PRKAG2: variants seen among roughly 807,000 people sequenced by gnomAD.
PRKAG2 encodes the protein 5'-AMP-activated protein kinase subunit gamma-2.
In PRKAG2, 26 loss-of-function variants were observed where a neutral mutation model predicts 69.6. That is an observed-to-expected ratio of 0.37 (90% CI 0.27 to 0.52). The LOEUF (loss-of-function observed/expected upper bound fraction) is 0.52, where lower values mean the gene tolerates loss of function less well. Ranked by LOEUF, PRKAG2 falls within the 20% of genes least tolerant of loss-of-function variation. PRKAG2 has a pLI of 0.90. For synonymous variants in PRKAG2, 293 were observed against 285.0 expected, an observed-to-expected ratio of 1.03 and a Z score of -0.28; for missense variants, 557 against 740.0, an observed-to-expected ratio of 0.75 and a Z score of 2.87.
chr7:151,846,463 A>C (rs2079435258), intron 1 of PRKAG2, among the ~76,000 whole-genome samples: 2 of 152,150 alleles, frequency 1.3e-5, no homozygotes, highest in African/African-American at 4.8e-5. Context: ...ACTCCGTCTC[A>C]AAAAAATTTA....
intron 1 of PRKAG2, among the ~76,000 whole-genome samples, chr7:151,802,064 G>A (rs569930108): frequency 3.5e-4 from 54 of 152,298 alleles, no homozygotes; most frequent in Middle Eastern, 3.4e-3. Context: ...ACCCCTCCCT[G>A]AGTGTGGCCT....
At chr7:151,645,498 A>G (rs1271234147) in intron 4 of PRKAG2, among the ~76,000 whole-genome samples, 1 of 152,226 alleles carries the variant, frequency 6.6e-6, no homozygotes, top group Admixed American at 6.5e-5. Flanking sequence ...CTTCTGACCT[A>G]CAGAAGCTAT....
In PRKAG2 at chr7:151,562,244, C is replaced by CAAAAAAAAAAAAAAAAAAA. The variant is rs575674668; in HGVS notation, c.1585-1646_1585-1628dup. On this transcript the variant is annotated intron_variant, in intron 14 of 15. Transcript: ENST00000287878. ...TGGGCGACAGAGTGAGACTTTGTCT[C>CAAAAAAAAAAAAAAAAAAA]AAAAAAAAAAAAAAAAAAAAAAAAA... 2.1e-4 allele frequency among the ~76,000 whole-genome samples: 8 copies of CAAAAAAAAAAAAAAAAAAA among 38,476 alleles called. 2 individuals are homozygous for CAAAAAAAAAAAAAAAAAAA. The highest frequency in any genetic ancestry group is 3.1e-4 in the Non-Finnish European group (5 of 16,206). The allele number at this position is 38,476 out of a possible 152,430, so 25.2% of individuals were successfully genotyped here. A position where few individuals can be genotyped will look rare whatever the true frequency, so the allele number is the denominator to read the frequency against.
rs1563307591 is a variant in PRKAG2 at position 151,632,452 on chromosome 7, G to C, written c.685-314C>G. The C allele has an allele frequency of 3.1e-6, 2 of 639,610 alleles. No individual in the cohort carries two copies. Among genetic ancestry groups the C allele is most frequent in the East Asian group, 1.4e-4 (1 of 7,296 alleles). 39.6% of individuals were successfully genotyped at this position (639,610 alleles called of 1,614,324 possible). On this transcript the variant is annotated intron_variant, in intron 4 of 15. Transcript: ENST00000287878. The surrounding 1 kb of genome is among the most constrained non-coding windows in gnomAD (Gnocchi z 4.2). ...CGTGGGAAGGGACCCGGGAGCTCGA[G>C]GGCGGCAGCGCCTGGGCCCGGGGCG...
chr7:151,748,263 G>A (rs2074423864), intron 3 of PRKAG2, among the ~76,000 whole-genome samples: 1 of 152,060 alleles, frequency 6.6e-6, no homozygotes, highest in African/African-American at 2.4e-5. Flanking sequence ...TATACTTACA[G>A]TATAAGTAAA....
chr7:151,665,424 C>G (rs528719762), intron 4 of PRKAG2, among the ~76,000 whole-genome samples: 9 of 152,310 alleles, frequency 5.9e-5, no homozygotes, highest in Non-Finnish European at 1.2e-4. Context: ...TCGTGTGTGT[C>G]TCTCTCTCTG....
At chr7:151,787,721 C>A (rs185705546) in intron 1 of PRKAG2, among the ~76,000 whole-genome samples, 57 of 152,256 alleles carry the variant, frequency 3.7e-4, no homozygotes, top group African/African-American at 1.3e-3. Flanking sequence ...TGAAGTCCTG[C>A]CCCCCAGGAC....
At chr7:151,672,548 C>T (rs979036812) in intron 4 of PRKAG2, among the ~76,000 whole-genome samples, 2 of 152,030 alleles carry the variant, frequency 1.3e-5, no homozygotes, top group Non-Finnish European at 2.9e-5. Context: ...TTCCCCTCCC[C>T]CCAGCCCCCG....
intron 1 of PRKAG2, among the ~76,000 whole-genome samples, chr7:151,873,955 G>GATGTAT (rs906797652): frequency 3.5e-4 from 52 of 149,348 alleles, no homozygotes; most frequent in African/African-American, 1.1e-3. Context: ...CTAGGTGTCT[G>GATGTAT]ATGTATATGT....
intron 1 of PRKAG2, among the ~76,000 whole-genome samples, chr7:151,801,218 G>A (rs768346114): frequency 2.8e-4 from 42 of 152,226 alleles, no homozygotes; most frequent in Admixed American, 1.2e-3. Flanking sequence ...CTAGAACACA[G>A]AGAAAGGTGC....
At chr7:151,824,864 T>C (rs954567432) in intron 1 of PRKAG2, among the ~76,000 whole-genome samples, 1 of 152,170 alleles carries the variant, frequency 6.6e-6, no homozygotes, top group African/African-American at 2.4e-5. Flanking sequence ...TCCCTCTCTT[T>C]CTTCTGAGTC....
At chr7:151,784,071 G>T (rs1390585125) in intron 2 of PRKAG2, among the ~76,000 whole-genome samples, 2 of 152,156 alleles carry the variant, frequency 1.3e-5, no homozygotes, top group Admixed American at 1.3e-4. Flanking sequence ...GCTGGTCCTG[G>T]GTGGAGGCCC....
chr7:151,854,986 C>CCACACACACCACCCTA (rs2079674978), intron 1 of PRKAG2, among the ~76,000 whole-genome samples: 2 of 28,696 alleles, frequency 7.0e-5, no homozygotes, highest in African/African-American at 1.4e-4. Flanking sequence ...ACACCATGCT[C>CCACACACACCACCCTA]CACACACACC....
chr7:151,782,668 C>T (rs189268120), intron 2 of PRKAG2, among the ~76,000 whole-genome samples: 1 of 152,338 alleles, frequency 6.6e-6, no homozygotes, highest in East Asian at 1.9e-4. Context: ...GCTCTGCCAC[C>T]TGCTGAGCCA....
chr7:151,774,011 G>A (rs1220196730), intron 3 of PRKAG2, among the ~76,000 whole-genome samples: 3 of 152,200 alleles, frequency 2.0e-5, no homozygotes, highest in Non-Finnish European at 4.4e-5. Context: ...GAGGTGGCAC[G>A]CCAGATTTTG....
chr7:151,866,537 T>C (rs2080082829), intron 1 of PRKAG2, among the ~76,000 whole-genome samples: 2 of 152,170 alleles, frequency 1.3e-5, no homozygotes, highest in African/African-American at 4.8e-5. Context: ...CCCCAGATGG[T>C]ATCTGATACA....
At chr7:151,870,157 G>GA (rs1563769271) in intron 1 of PRKAG2, among the ~76,000 whole-genome samples, 18,033 of 110,718 alleles carry the variant, frequency 0.16, 1,373 homozygotes, top group Admixed American at 0.18. Flanking sequence ...AGATAGATAG[G>GA]CAGGCAGGCA....
At chr7:151,867,116 G>A (rs1025906380) in intron 1 of PRKAG2, among the ~76,000 whole-genome samples, 6 of 152,186 alleles carry the variant, frequency 3.9e-5, no homozygotes, top group Admixed American at 6.5e-5. Context: ...GCAGTGGGAC[G>A]CTGGGACCCC....
At chr7:151,750,972 T>C (rs866404539) in intron 3 of PRKAG2, among the ~76,000 whole-genome samples, 1 of 152,224 alleles carries the variant, frequency 6.6e-6, no homozygotes, top group Non-Finnish European at 1.5e-5. Context: ...AAGGAAAATA[T>C]GGATTAATTC....
Sources: gnomAD v4.1 joint callset for allele counts (sites outside exome capture counted in the v4.1 genomes callset) on GRCh38, gnomAD v4.1.1 for gene constraint, Gnocchi (gnomAD v3.1) non-coding constraint, MANE v1.5 for transcripts, NCBI Gene and HGNC (gene_info 2026-07-23, HGNC 2026-07-21) for gene names.